The following VPS16 variants were observed in gnomAD, a reference collection of about 807,000 sequenced individuals.
VPS16 encodes the protein vacuolar protein sorting-associated protein 16 homolog.
In VPS16, 82 loss-of-function variants were observed where a neutral mutation model predicts 116.0. The ratio of observed to expected loss-of-function variants is 0.71; its 90% CI spans 0.59 to 0.85. VPS16 has a LOEUF of 0.85. VPS16 is among the 40% of genes least tolerant of loss of function. VPS16 has a pLI of 0.00. For missense variants in VPS16, 928 were observed against 1,090.6 expected (o/e 0.85, Z 2.10); for synonymous variants, 406 against 420.7 (o/e 0.96, Z 0.43).
At chr20:2,862,518 G>A in intron 11 of VPS16, 61 bp from the exon 12 acceptor site, 6 of 1,581,808 alleles carry the variant, frequency 3.8e-6, no homozygotes, top group Non-Finnish European at 5.2e-6. Context: ...AGAATGGTTA[G>A]GGGCCAGATG....
At position 2,864,337 on chromosome 20, in the gene VPS16, A is replaced by G; in HGVS notation, c.1721-28A>G. On this transcript the variant is annotated intron_variant, in intron 17 of 23. Coordinates refer to ENST00000380445, the MANE Select transcript of VPS16 (RefSeq NM_022575.4). This position sits in a 1 kb window ranked among gnomAD's most constrained non-coding sequence, Gnocchi z 5.2. Reference sequence around the variant, plus strand: ...TGGGCTAAGTGGGAGCCTGGCTGGAATTCCCACTCCACCTTACTCTCCTGC... The same window carrying G: ...TGGGCTAAGTGGGAGCCTGGCTGGAGTTCCCACTCCACCTTACTCTCCTGC... 3 of 1,613,940 alleles carry G rather than the reference A, an allele frequency of 1.9e-6. No homozygotes were observed. Among genetic ancestry groups the G allele is most frequent in the Non-Finnish European group, 2.5e-6 (3 of 1,179,954 alleles).
chr20:2,861,177 A>T, intron 7 of VPS16, 48 bp from the exon 8 acceptor site: 1 of 1,614,160 alleles, frequency 6.2e-7, no homozygotes, highest in African/African-American at 1.3e-5. Context: ...TTTCGACTAG[A>T]ATGGTGACTG....
intron 1 of VPS16, among the ~76,000 whole-genome samples, chr20:2,846,426 C>T (rs1026829288): frequency 2.0e-5 from 3 of 152,056 alleles, no homozygotes; most frequent in African/African-American, 4.8e-5. Context: ...CTCTGTACTC[C>T]GCTTTTAATT....
At position 2,859,764 on chromosome 20, in the gene VPS16, C is replaced by T. The variant is rs1374120848; in HGVS notation, c.99C>T (p.Leu33=). 1 of 1,613,086 alleles carries T rather than the reference C, an allele frequency of 6.2e-7. No individual in the cohort carries two copies. The highest frequency in any genetic ancestry group is 8.5e-7 in the Non-Finnish European group (1 of 1,179,638). The change falls in exon 2 of 24, where the codon CTC becomes CTT. Residue 33 remains leucine (L), a synonymous_variant. Transcript: ENST00000380445. The part of the protein sequence containing the change: ...YSMDWDLKEE[L]RDCLVAAAPY... ...TGGACTGGGACCTGAAGGAGGAACT[C>T]AGGGATTGCCTGGTGGCTGCTGCAC...
Position 2,864,207 on chromosome 20 carries a change from A to T in VPS16, c.1640A>T (p.Glu547Val). The T allele has an allele frequency of 1.2e-6, 2 of 1,614,022 alleles. No homozygotes were observed. Among genetic ancestry groups the T allele is most frequent in the South Asian group, 2.2e-5 (2 of 91,074 alleles). ...KLLEYEPRSGEQVPLLLKMKR... is the reference protein window; with the variant it reads ...KLLEYEPRSGVQVPLLLKMKR... ...CTGGAGTATGAGCCACGCTCAGGGG[A>T]GCAGGTACCCCTTCTCCTAAAGATG... Residue 547 changes from glutamate (E) to valine (V), a missense_variant, in exon 17 of 24, where the codon GAG (glutamate) becomes GTG (valine). Physicochemically the swap from Glu to Val is moderately radical, Grantham distance 121. Transcript: ENST00000380445. This position sits in a 1 kb window ranked among gnomAD's most constrained non-coding sequence, Gnocchi z 5.2.
At position 2,864,263 on chromosome 20, in the gene VPS16, A is replaced by G. The variant is rs1313388550; in HGVS notation, c.1696A>G (p.Ile566Val). ...KRSKLALSKA[I>V]ESGDTDLVFT... is the part of the protein sequence containing the mutation. ...GAGCAAACTGGCACTAAGCAAGGCC[A>G]TCGAGAGCGGGGACACTGACCTGGG... The change falls in exon 17 of 24, where the codon ATC becomes GTC. Residue 566 changes from isoleucine to valine, a missense_variant. Transcript: ENST00000380445. This position sits in a 1 kb window ranked among gnomAD's most constrained non-coding sequence, Gnocchi z 5.2. 3 of 1,614,112 alleles carry G rather than the reference A, an allele frequency of 1.9e-6. No individual in the cohort carries two copies. The highest frequency in any genetic ancestry group is 8.5e-7 in the Non-Finnish European group (1 of 1,180,038).
chr20:2,860,931 G>T lies in VPS16; in HGVS notation c.631-39G>T. ...GCAATAGGGAGGTTCTGAAAAGTCA[G>T]TATGTATCTGTCCCACCCCTACCCT... On this transcript the variant is annotated intron_variant, in intron 6 of 23. Coordinates refer to ENST00000380445, the MANE Select transcript of VPS16 (RefSeq NM_022575.4). The surrounding 1 kb of genome is among the most constrained non-coding windows in gnomAD (Gnocchi z 6.1). 1 of 1,614,052 alleles carries T rather than the reference G, an allele frequency of 6.2e-7. No homozygotes were observed. The highest frequency in any genetic ancestry group is 8.5e-7 in the Non-Finnish European group (1 of 1,180,038).
At chr20:2,851,575 T>C (rs1365978300) in intron 1 of VPS16, among the ~76,000 whole-genome samples, 1 of 151,794 alleles carries the variant, frequency 6.6e-6, no homozygotes, top group African/African-American at 2.4e-5. Flanking sequence ...GGCAGGAGAA[T>C]TGCTGGAACC....
At chr20:2,847,290 C>T (rs367714056) in intron 1 of VPS16, among the ~76,000 whole-genome samples, 9 of 152,216 alleles carry the variant, frequency 5.9e-5, no homozygotes, top group South Asian at 2.1e-4. Context: ...TTTTAGCCCA[C>T]GGCCTCCTAG....
intron 1 of VPS16, among the ~76,000 whole-genome samples, chr20:2,859,002 T>G (rs1365586104): frequency 6.6e-6 from 1 of 152,144 alleles, no homozygotes; most frequent in Non-Finnish European, 1.5e-5. Context: ...CCTGATTCAT[T>G]AAGAACCAGA....
rs1450823413 is a variant in VPS16, at chr20:2,862,365, G to A, written c.1072-214G>A. On this transcript the variant is annotated intron_variant, in intron 11 of 23. Coordinates refer to ENST00000380445, the MANE Select transcript of VPS16 (RefSeq NM_022575.4). ...ACCCAGTCTGGGTTACTATTGGGAG[G>A]AGTTCTCAAGGCCCCCCTAAAGGCA... 55 of 1,094,824 alleles carry A rather than the reference G, an allele frequency of 5.0e-5. No homozygotes were observed. The East Asian group carries it at 1.4e-3, about 28-fold the overall frequency. The allele number at this position is 1,094,824 out of a possible 1,614,324, so 67.8% of individuals were successfully genotyped here. A position where few individuals can be genotyped will look rare whatever the true frequency, so the allele number is the denominator to read the frequency against.
At chr20:2,842,710 A>C (rs2089000011) in intron 1 of VPS16, among the ~76,000 whole-genome samples, 1 of 112,518 alleles carries the variant, frequency 8.9e-6, no homozygotes, top group Admixed American at 8.9e-5. Context: ...ATCTATATAT[A>C]GATAGACATA....
At position 2,863,138 on chromosome 20, in the gene VPS16, G is replaced by A; in HGVS notation, c.1367+38G>A. ...CAAGGGTGCAGTGAGCGGGCTGTCA[G>A]GGGGGTGGGCATTACAGCCTTGGGT... On this transcript the variant is annotated intron_variant, in intron 14 of 23. Coordinates refer to ENST00000380445, the MANE Select transcript of VPS16 (RefSeq NM_022575.4). This position sits in a 1 kb window ranked among gnomAD's most constrained non-coding sequence, Gnocchi z 4.4. The A allele has an allele frequency of 6.2e-7, 1 of 1,613,006 alleles. No individual in the cohort carries two copies. The highest frequency in any genetic ancestry group is 8.5e-7 in the Non-Finnish European group (1 of 1,179,690).
rs377680909 is a variant in VPS16, at chr20:2,860,703, G to A, written c.515-45G>A. On this transcript the variant is annotated intron_variant, in intron 5 of 23. Coordinates refer to ENST00000380445, the MANE Select transcript of VPS16 (RefSeq NM_022575.4). The surrounding 1 kb of genome is among the most constrained non-coding windows in gnomAD (Gnocchi z 6.1). ...GCTAGAGACCCATAGAAACAGAAAC[G>A]GTGGGCCTTGGTCATCCTAACACTG... 194 of 1,611,898 alleles carry A rather than the reference G, an allele frequency of 1.2e-4. No individual in the cohort carries two copies. Among genetic ancestry groups the A allele is most frequent in the Non-Finnish European group, 1.4e-4 (168 of 1,179,176 alleles).
At chr20:2,844,521 T>A (rs2089039507) in intron 1 of VPS16, among the ~76,000 whole-genome samples, 1 of 152,244 alleles carries the variant, frequency 6.6e-6, no homozygotes, top group South Asian at 2.1e-4. Flanking sequence ...TGAGCCAGTA[T>A]GATAAAACAG....
At chr20:2,854,836 CTCTT>C (rs901493479) in intron 1 of VPS16, among the ~76,000 whole-genome samples, 7 of 151,738 alleles carry the variant, frequency 4.6e-5, no homozygotes, top group Non-Finnish European at 7.4e-5. Flanking sequence ...ATTGAAATCA[CTCTT>C]TCCTTGATCC....
At chr20:2,854,942 C>T (rs954317362) in intron 1 of VPS16, among the ~76,000 whole-genome samples, 5 of 149,568 alleles carry the variant, frequency 3.3e-5, no homozygotes, top group African/African-American at 5.0e-5. Context: ...GGACCAGATA[C>T]GTTGTCAATG....
intron 1 of VPS16, among the ~76,000 whole-genome samples, chr20:2,854,223 C>T (rs1179027773): frequency 9.2e-6 from 1 of 108,486 alleles, no homozygotes; most frequent in Non-Finnish European, 1.7e-5. Flanking sequence ...AGCCTGGCAA[C>T]AGAGACCCCG....
At chr20:2,844,325 A>G (rs2146641811) in intron 1 of VPS16, among the ~76,000 whole-genome samples, 1 of 152,352 alleles carries the variant, frequency 6.6e-6, no homozygotes, top group Non-Finnish European at 1.5e-5. Flanking sequence ...TTCAAGTCCT[A>G]TCTGCCTGAC....
Sources: allele counts gnomAD v4.1 joint callset (sites outside exome capture counted in the v4.1 genomes callset), GRCh38; gene constraint gnomAD v4.1.1; non-coding constraint Gnocchi (gnomAD v3.1); transcripts MANE v1.5; gene names NCBI Gene and HGNC (gene_info 2026-07-23, HGNC 2026-07-21).